Variants in PRKCB observed in about 807,000 individuals in gnomAD.
PRKCB encodes protein kinase C beta, also known as protein kinase C beta type.
PRKCB carries 13 observed loss-of-function variants against 81.5 expected under a neutral mutation model. The observed-to-expected ratio is 0.16, with a 90% CI of 0.10 to 0.25. The LOEUF (loss-of-function observed/expected upper bound fraction) is 0.25. Ranked by LOEUF, PRKCB falls within the 10% of genes least tolerant of loss-of-function variation. The probability of loss-of-function intolerance (pLI) is 1.00; values close to 1 mark genes in which losing one functional copy is unlikely to be tolerated. For missense variants in PRKCB, 509 were observed against 875.7 expected, an observed-to-expected ratio of 0.58 and a Z score of 5.29; for synonymous variants, 335 against 321.4, an observed-to-expected ratio of 1.04 and a Z score of -0.45.
intron 8 of PRKCB, among the ~76,000 whole-genome samples, chr16:24,118,968 G>A (rs1444974832): frequency 6.6e-6 from 1 of 152,076 alleles, no homozygotes; most frequent in Non-Finnish European, 1.5e-5. Flanking sequence ...ACAAGAAGGC[G>A]AAAGAGCTTG....
chr16:23,995,999 G>C (rs1458027418), intron 3 of PRKCB, among the ~76,000 whole-genome samples: 1 of 152,068 alleles, frequency 6.6e-6, no homozygotes, highest in African/African-American at 2.4e-5. Flanking sequence ...GCACCTGGTT[G>C]TGCACTTTGC....
chr16:24,127,004 C>CTTT (rs34385102), intron 9 of PRKCB, among the ~76,000 whole-genome samples: 2 of 116,200 alleles, frequency 1.7e-5, no homozygotes, highest in South Asian at 2.9e-4. Flanking sequence ...TTCTTTTTTC[C>CTTT]TTTTTTTTTT....
chr16:24,066,099 G>A (rs993640806), intron 5 of PRKCB, among the ~76,000 whole-genome samples: 1 of 151,686 alleles, frequency 6.6e-6, no homozygotes, highest in African/African-American at 2.4e-5. Flanking sequence ...GTGTGTGTGT[G>A]TGTGTGTGTG....
chr16:23,877,241 G>A (rs1338261907), intron 2 of PRKCB, among the ~76,000 whole-genome samples: 1 of 152,146 alleles, frequency 6.6e-6, no homozygotes, highest in South Asian at 2.1e-4. Context: ...GGAGGCTGAG[G>A]CAGAAGGATC....
chr16:24,108,341 TTA>T (rs1966607027), intron 7 of PRKCB, among the ~76,000 whole-genome samples: 1 of 146,158 alleles, frequency 6.8e-6, no homozygotes, highest in African/African-American at 2.6e-5. Flanking sequence ...TTATTTTTTT[TTA>T]AATTTATTTA....
chr16:23,994,676 T>A (rs1191262159), intron 3 of PRKCB, among the ~76,000 whole-genome samples: 2 of 152,374 alleles, frequency 1.3e-5, no homozygotes, highest in South Asian at 4.1e-4. Flanking sequence ...CAAGTGTAGC[T>A]GCTGTATCAA....
At chr16:23,963,884 C>T (rs1045154221) in intron 2 of PRKCB, 1 of 152,296 alleles carries the variant, frequency 6.6e-6, no homozygotes, top group Non-Finnish European at 1.5e-5. Context: ...ATGGGCCATC[C>T]TCTGGCATCA....
chr16:23,984,415 G>T (rs1964775512), intron 2 of PRKCB, among the ~76,000 whole-genome samples: 1 of 152,084 alleles, frequency 6.6e-6, no homozygotes, highest in African/African-American at 2.4e-5. Flanking sequence ...TCAGACTCCA[G>T]AATTCACATT....
chr16:23,876,129 C>A (rs1227109442), intron 2 of PRKCB, among the ~76,000 whole-genome samples: 2 of 152,198 alleles, frequency 1.3e-5, no homozygotes, highest in South Asian at 4.1e-4. Flanking sequence ...ATTTTTTGGA[C>A]CCCTGTCTAT....
At position 24,096,200 on chromosome 16, in the gene PRKCB, G is replaced by T. The variant is rs566268694; in HGVS notation, c.821+1903G>T. Reference sequence around the variant, plus strand: ...CACTTGAACCAGGGAGGCGGAGGTTGCAGTGAGCCGAGATCATGCCACTGC... The same window carrying T: ...CACTTGAACCAGGGAGGCGGAGGTTTCAGTGAGCCGAGATCATGCCACTGC... On this transcript the variant is annotated intron_variant, in intron 7 of 16. Coordinates refer to ENST00000643927, the MANE Select transcript of PRKCB (RefSeq NM_002738.7). 1.9e-4 allele frequency among the ~76,000 whole-genome samples: 29 copies of T among 152,196 alleles called. No individual in the cohort carries two copies. The East Asian group carries it at 5.4e-3, about 28-fold the overall frequency.
At chr16:24,163,843 A>C (rs1465581351) in intron 10 of PRKCB, among the ~76,000 whole-genome samples, 1 of 152,238 alleles carries the variant, frequency 6.6e-6, no homozygotes, top group Non-Finnish European at 1.5e-5. Flanking sequence ...AGAGACTCTA[A>C]GTAACTGACC....
intron 16 of PRKCB, among the ~76,000 whole-genome samples, chr16:24,195,884 C>T (rs1008540939): frequency 5.3e-5 from 8 of 152,180 alleles, no homozygotes; most frequent in Admixed American, 1.3e-4. Flanking sequence ...GTCCCTCAAA[C>T]ATGCAGTGCC....
chr16:24,170,236 G>A (rs1339096953), intron 10 of PRKCB, among the ~76,000 whole-genome samples: 4 of 151,876 alleles, frequency 2.6e-5, no homozygotes, highest in Non-Finnish European at 5.9e-5. Context: ...GTACCTAGTA[G>A]GACTCTGTAA....
At chr16:23,882,002 C>CTT (rs369267152) in intron 2 of PRKCB, among the ~76,000 whole-genome samples, 1 of 90,246 alleles carries the variant, frequency 1.1e-5, no homozygotes, top group African/African-American at 4.1e-5. Context: ...TTCTTTCTTT[C>CTT]TTTCTTTCTT....
At chr16:24,076,395 G>A (rs924189991) in intron 5 of PRKCB, among the ~76,000 whole-genome samples, 1 of 152,156 alleles carries the variant, frequency 6.6e-6, no homozygotes, top group African/African-American at 2.4e-5. Flanking sequence ...GGAGCAAAAA[G>A]GGGGCCTTAT....
At chr16:24,190,805 C>G (rs950217416) in intron 15 of PRKCB, among the ~76,000 whole-genome samples, 2 of 152,136 alleles carry the variant, frequency 1.3e-5, no homozygotes, top group East Asian at 3.8e-4. Context: ...GTGTGAGCCA[C>G]TGTGCCTGGC....
chr16:24,008,387 G>A (rs6497712), intron 3 of PRKCB, among the ~76,000 whole-genome samples: 118,269 of 152,238 alleles, frequency 0.78, 46,764 homozygotes, highest in African/African-American at 0.93. Flanking sequence ...GTCCAGATGC[G>A]TGTGGACATC....
At chr16:23,872,610 C>T (rs1962922955) in intron 2 of PRKCB, among the ~76,000 whole-genome samples, 1 of 152,164 alleles carries the variant, frequency 6.6e-6, no homozygotes, top group Non-Finnish European at 1.5e-5. Flanking sequence ...TCTGCCACTT[C>T]CTAGTTGGGT....
chr16:23,838,617 G>A (rs1191187184), intron 2 of PRKCB, among the ~76,000 whole-genome samples: 1 of 152,226 alleles, frequency 6.6e-6, no homozygotes, highest in Non-Finnish European at 1.5e-5. Context: ...GGAAGAGTCT[G>A]ACGTGATTTA....
Sources: gnomAD v4.1 joint callset for allele counts (sites outside exome capture counted in the v4.1 genomes callset) on GRCh38, gnomAD v4.1.1 for gene constraint, MANE v1.5 for transcripts, NCBI Gene and HGNC (gene_info 2026-07-23, HGNC 2026-07-21) for gene names.